PTPN6: variants seen among roughly 807,000 people sequenced by gnomAD.
PTPN6 encodes protein tyrosine phosphatase non-receptor type 6.
In PTPN6, 18 loss-of-function variants were observed where a neutral mutation model predicts 81.5. The observed-to-expected ratio is 0.22, with a 90% CI of 0.15 to 0.33. The LOEUF (loss-of-function observed/expected upper bound fraction) is 0.33. PTPN6 is among the 10% of genes least tolerant of loss of function. The pLI, the probability that PTPN6 is intolerant of heterozygous loss-of-function variation, is 1.00. For synonymous variants in PTPN6, 301 were observed against 310.9 expected (o/e 0.97, Z 0.33); for missense variants, 500 against 794.2 (o/e 0.63, Z 4.45).
Position 6,959,806 on chromosome 12 carries a change from C to T in PTPN6, c.1362-121C>T. 9.4e-7 allele frequency: 1 copy of T among 1,058,636 alleles called. No homozygotes were observed. Among genetic ancestry groups the T allele is most frequent in the Admixed American group, 1.7e-5 (1 of 58,208 alleles). 65.6% of individuals were successfully genotyped at this position (1,058,636 alleles called of 1,614,324 possible). ...TTGCCCGGTGACCCTGGGCACATTCCCTCCCATCACTGGAGGCTCAGGCTG... is the reference window on the plus strand; with the variant it reads ...TTGCCCGGTGACCCTGGGCACATTCTCTCCCATCACTGGAGGCTCAGGCTG... On this transcript the variant is annotated intron_variant, in intron 11 of 15. Transcript: ENST00000318974. The surrounding 1 kb of genome is among the most constrained non-coding windows in gnomAD (Gnocchi z 6.6).
rs782394570 is a variant in PTPN6 at position 6,954,965 on chromosome 12, A to G, written c.487A>G (p.Arg163Gly). The G allele has an allele frequency of 3.2e-5, 51 of 1,613,994 alleles. No homozygotes were observed. The highest frequency in any genetic ancestry group is 2.8e-5 in the Non-Finnish European group (33 of 1,180,032). ...CAAGGCTGGCCCAGGCTCCCCGCTC[A>G]GGGTCACCCACATCAAGGTCATGTG... ...QPKAGPGSPLRVTHIKVMCEG... is the reference protein window; with the variant it reads ...QPKAGPGSPLGVTHIKVMCEG... The change falls in exon 4 of 16, where the codon AGG becomes GGG. Residue 163 changes from arginine (R) to glycine (G), a missense_variant. Transcript: ENST00000318974. This position sits in a 1 kb window ranked among gnomAD's most constrained non-coding sequence, Gnocchi z 5.4.
rs202069804 is a variant in PTPN6, at chr12:6,960,266, G to T, written c.1581+27G>T. On this transcript the variant is annotated intron_variant, in intron 13 of 15. Coordinates refer to ENST00000318974, the MANE Select transcript of PTPN6 (RefSeq NM_002831.6). The surrounding 1 kb of genome is among the most constrained non-coding windows in gnomAD (Gnocchi z 6.1). ...TGCGTGCAGAGCAGGGCCTGGGGGG[G>T]GGGGGGGCTGCAGTGCAGGATGGGT... The T allele has an allele frequency of 2.0e-4, 325 of 1,607,286 alleles. 3 individuals carry two copies. The African/African-American group carries it at 3.1e-3, about 16-fold the overall frequency.
In PTPN6 at chr12:6,951,606, C is replaced by A. The variant is rs1241581450; in HGVS notation, c.9-3C>A. Reference sequence around the variant, plus strand: ...TCCTCACTGCCCTGCCTGGGCCGCCCAGGTGGTTTCACCGAGACCTCAGTG... The same window carrying A: ...TCCTCACTGCCCTGCCTGGGCCGCCAAGGTGGTTTCACCGAGACCTCAGTG... On this transcript the variant is annotated splice_region_variant and splice_polypyrimidine_tract_variant and intron_variant, in intron 1 of 15. Transcript: ENST00000318974. The surrounding 1 kb of genome is among the most constrained non-coding windows in gnomAD (Gnocchi z 7.2). 1 of 1,613,880 alleles carries A rather than the reference C, an allele frequency of 6.2e-7. No individual in the cohort carries two copies. The highest frequency in any genetic ancestry group is 8.5e-7 in the Non-Finnish European group (1 of 1,180,014).
Position 6,957,025 on chromosome 12 carries a change from G to T in PTPN6, c.1074+457G>T, listed in dbSNP as rs1015792582. ...CTTTGGGATAAAGTCGCACTCTAAG[G>T]CCTGGCATTCAAGGTCTGGTGGCTT... is the stretch of plus-strand genomic sequence containing the variant. On this transcript the variant is annotated intron_variant, in intron 9 of 15. Coordinates refer to ENST00000318974, the MANE Select transcript of PTPN6 (RefSeq NM_002831.6). This position sits in a 1 kb window ranked among gnomAD's most constrained non-coding sequence, Gnocchi z 6.5. 6.6e-6 allele frequency among the ~76,000 whole-genome samples: 1 copy of T among 152,128 alleles called. No individual in the cohort carries two copies. The highest frequency in any genetic ancestry group is 1.5e-5 in the Non-Finnish European group (1 of 68,034).
At position 6,952,058 on chromosome 12, in the gene PTPN6, T is replaced by C. The variant is rs200943423; in HGVS notation, c.207T>C (p.Phe69=). Residue 69 remains phenylalanine, a synonymous_variant, in exon 3 of 16, where the codon TTT becomes TTC. Transcript: ENST00000318974. The surrounding 1 kb of genome is among the most constrained non-coding windows in gnomAD (Gnocchi z 8.1). ...ATGACCTGTATGGAGGGGAGAAGTT[T>C]GCGACTCTGACAGAGCTGGTGGAGT... ...DFYDLYGGEK[F]ATLTELVEYY... 3,167 of 1,614,142 alleles carry C rather than the reference T, an allele frequency of 2.0e-3. 57 individuals carry two copies. The South Asian group carries it at 0.027, about 14-fold the overall frequency.
upstream of PTPN6, chr12:6,951,326 C>A: frequency 6.6e-7 from 1 of 1,508,376 alleles, no homozygotes; most frequent in South Asian, 1.3e-5. The surrounding 1 kb of genome is among the most constrained non-coding windows in gnomAD (Gnocchi z 7.2). Context: ...GCGCCTCTTC[C>A]TGTCCCCGCC....
At chr12:6,946,758 C>CG (rs1555146858), upstream of PTPN6, 1 of 1,608,962 alleles carries the variant, frequency 6.2e-7, no homozygotes, top group Admixed American at 1.7e-5. Flanking sequence ...CGGGCACCAT[C>CG]GGGGTCCCAG....
Position 6,960,526 on chromosome 12 carries a change from TG to T in PTPN6, c.1673+97del. 2.1e-6 allele frequency: 3 copies of T among 1,461,296 alleles called. No homozygotes were observed. The highest frequency in any genetic ancestry group is 2.8e-6 in the Non-Finnish European group (3 of 1,063,386). The allele number at this position is 1,461,296 out of a possible 1,614,324, so 90.5% of individuals were successfully genotyped here. On this transcript the variant is annotated intron_variant, in intron 14 of 15. Coordinates refer to ENST00000318974, the MANE Select transcript of PTPN6 (RefSeq NM_002831.6). This position sits in a 1 kb window ranked among gnomAD's most constrained non-coding sequence, Gnocchi z 6.1. ...TTCTGGAGAGGACAAGTGTTGCAGC[TG>T]GGGGGACCTGGCTTCAAGTTCAGGC...
At chr12:6,947,729 G>A (rs1945853110), upstream of PTPN6, among the ~76,000 whole-genome samples, 1 of 151,786 alleles carries the variant, frequency 6.6e-6, no homozygotes, top group Non-Finnish European at 1.5e-5. Flanking sequence ...GACTGGGTGT[G>A]CAGGTGACAT....
At position 6,954,726 on chromosome 12, in the gene PTPN6, G is replaced by T; in HGVS notation, c.327-79G>T. On this transcript the variant is annotated intron_variant, in intron 3 of 15. Coordinates refer to ENST00000318974, the MANE Select transcript of PTPN6 (RefSeq NM_002831.6). This position sits in a 1 kb window ranked among gnomAD's most constrained non-coding sequence, Gnocchi z 5.4. ...GCACACAGTAGGTGCTTGATTTCCG[G>T]CCCCTCTCTGTGAATGTCTCTGCTC... The T allele has an allele frequency of 7.0e-7, 1 of 1,434,788 alleles. No homozygotes were observed. The highest frequency in any genetic ancestry group is 9.6e-7 in the Non-Finnish European group (1 of 1,044,610). The allele number at this position is 1,434,788 out of a possible 1,614,324, so 88.9% of individuals were successfully genotyped here.
intron 11 of PTPN6, 132 bp downstream of exon 11, chr12:6,958,205 G>A: frequency 7.6e-7 from 1 of 1,310,960 alleles, no homozygotes; most frequent in Non-Finnish European, 1.1e-6. Context: ...GGCTTCTCCT[G>A]GGTCCCCTCA....
upstream of PTPN6, among the ~76,000 whole-genome samples, chr12:6,950,346 C>T (rs782221242): frequency 4.7e-4 from 72 of 152,108 alleles, no homozygotes; most frequent in South Asian, 0.013. Context: ...TGCTTTTCCT[C>T]GTTTTGGTTT....
At chr12:6,948,221 C>T (rs1434185248), upstream of PTPN6, among the ~76,000 whole-genome samples, 2 of 151,768 alleles carry the variant, frequency 1.3e-5, no homozygotes, top group Non-Finnish European at 2.9e-5. Context: ...AGTTCAAGAC[C>T]ACCCTGGGCA....
chr12:6,957,629 T>TCG lies in PTPN6; in HGVS notation c.1075-24_1075-23insGC. 2.8e-4 allele frequency: 433 copies of TCG among 1,520,492 alleles called. No individual in the cohort carries two copies. Among genetic ancestry groups the TCG allele is most frequent in the Middle Eastern group, 3.6e-4 (2 of 5,482 alleles). 94.2% of individuals were successfully genotyped at this position (1,520,492 alleles called of 1,614,324 possible). A position where few individuals can be genotyped will look rare whatever the true frequency, so the allele number is the denominator to read the frequency against. ...CCACAGTGCCCTGCTCTGTGCCTCA[T>TCG]CCCCACCCGACCCTCCCTTTCCAGA... On this transcript the variant is annotated intron_variant, in intron 9 of 15. Transcript: ENST00000318974. This position sits in a 1 kb window ranked among gnomAD's most constrained non-coding sequence, Gnocchi z 6.5.
chr12:6,960,531 G>T lies in PTPN6; in HGVS notation c.1673+96G>T, dbSNP rs369889610. 8.0e-5 allele frequency: 117 copies of T among 1,458,386 alleles called. No individual in the cohort carries two copies. Among genetic ancestry groups the T allele is most frequent in the Non-Finnish European group, 1.1e-4 (113 of 1,061,316 alleles). 90.3% of individuals were successfully genotyped at this position (1,458,386 alleles called of 1,614,324 possible). ...GAGAGGACAAGTGTTGCAGCTGGGG[G>T]GACCTGGCTTCAAGTTCAGGCTTGG... On this transcript the variant is annotated intron_variant, in intron 14 of 15. Transcript: ENST00000318974. This position sits in a 1 kb window ranked among gnomAD's most constrained non-coding sequence, Gnocchi z 6.1.
chr12:6,953,975 A>G (rs1945974683), intron 3 of PTPN6, among the ~76,000 whole-genome samples: 1 of 152,022 alleles, frequency 6.6e-6, no homozygotes, highest in Admixed American at 6.5e-5. Context: ...CTCTCTCCCC[A>G]GAAGGAGTTT....
chr12:6,956,359 G>T lies in PTPN6; in HGVS notation c.925-60G>T. ...TGGGTGAGGGTGGCAGTGGTTCAGGGCCTGTGCTGGGCCAAGGGGCTCACT... is the reference window on the plus strand; with the variant it reads ...TGGGTGAGGGTGGCAGTGGTTCAGGTCCTGTGCTGGGCCAAGGGGCTCACT... On this transcript the variant is annotated intron_variant, in intron 8 of 15. Transcript: ENST00000318974. This position sits in a 1 kb window ranked among gnomAD's most constrained non-coding sequence, Gnocchi z 4.1. 1 of 1,613,686 alleles carries T rather than the reference G, an allele frequency of 6.2e-7. No homozygotes were observed. Among genetic ancestry groups the T allele is most frequent in the Non-Finnish European group, 8.5e-7 (1 of 1,179,656 alleles).
upstream of PTPN6, among the ~76,000 whole-genome samples, chr12:6,946,981 C>T (rs1209931184): frequency 6.6e-6 from 1 of 152,194 alleles, no homozygotes; most frequent in Non-Finnish European, 1.5e-5. Context: ...CTCTCCATTG[C>T]ATTTCTACTT....
In PTPN6 at chr12:6,954,968, G is replaced by A; in HGVS notation, c.490G>A (p.Val164Ile). The change falls in exon 4 of 16, where the codon GTC (valine) becomes ATC (isoleucine). Residue 164 changes from valine to isoleucine, a missense_variant. This residue lies in a region of PTPN6 where 22 missense variants were observed against 16.1 expected (regional missense o/e 1.37). Coordinates refer to ENST00000318974, the MANE Select transcript of PTPN6 (RefSeq NM_002831.6). This position sits in a 1 kb window ranked among gnomAD's most constrained non-coding sequence, Gnocchi z 5.4. ...GGCTGGCCCAGGCTCCCCGCTCAGG[G>A]TCACCCACATCAAGGTCATGTGCGA... is the stretch of plus-strand genomic sequence containing the variant. ...PKAGPGSPLR[V>I]THIKVMCEGG... 2 of 1,614,122 alleles carry A rather than the reference G, an allele frequency of 1.2e-6. No homozygotes were observed. Among genetic ancestry groups the A allele is most frequent in the Non-Finnish European group, 8.5e-7 (1 of 1,180,038 alleles).
Sources: allele counts gnomAD v4.1 joint callset (sites outside exome capture counted in the v4.1 genomes callset), GRCh38; gene constraint gnomAD v4.1.1; regional missense constraint gnomAD v4.1.1; non-coding constraint Gnocchi (gnomAD v3.1); transcripts MANE v1.5; gene names NCBI Gene and HGNC (gene_info 2026-07-23, HGNC 2026-07-21).